The following SPIRE2 variants were observed in gnomAD, a reference collection of about 807,000 sequenced individuals.
SPIRE2 encodes the protein spire type actin nucleation factor 2.
Under a neutral mutation model 80.7 loss-of-function variants are expected in SPIRE2, and 76 were observed. The ratio of observed to expected loss-of-function variants is 0.94; its 90% CI spans 0.78 to 1.14. The LOEUF is 1.14. SPIRE2 is among the 50% of genes most tolerant of loss of function. The probability of loss-of-function intolerance (pLI) is 0.00; values close to 1 mark genes in which losing one functional copy is unlikely to be tolerated. For missense variants in SPIRE2, 1,196 were observed against 1,015.3 expected, an observed-to-expected ratio of 1.18 and a Z score of -2.42; for synonymous variants, 535 against 432.6, an observed-to-expected ratio of 1.24 and a Z score of -2.94.
chr16:89,863,593 A>G lies in SPIRE2; in HGVS notation c.1693A>G (p.Ser565Gly). Reference sequence around the variant, plus strand: ...TTTGCAGAACAAGGAGCTCTTCAGCAGTCTGAAGAAGGGGAAGGTGAGGCT... The same window carrying G: ...TTTGCAGAACAAGGAGCTCTTCAGCGGTCTGAAGAAGGGGAAGGTGAGGCT... ...KFLQNKELFS[S>G]LKKGKICCCC... is the part of the protein sequence containing the mutation. The change falls in exon 11 of 15, where the codon AGT (serine) becomes GGT (glycine). Residue 565 changes from serine to glycine, a missense_variant. Transcript: ENST00000378247. The surrounding 1 kb of genome is among the most constrained non-coding windows in gnomAD (Gnocchi z 4.3). The G allele has an allele frequency of 6.2e-7, 1 of 1,614,134 alleles. No homozygotes were observed. Among genetic ancestry groups the G allele is most frequent in the South Asian group, 1.1e-5 (1 of 91,088 alleles).
intron 2 of SPIRE2, among the ~76,000 whole-genome samples, chr16:89,849,322 C>A (rs1292555038): frequency 1.3e-5 from 2 of 152,226 alleles, no homozygotes; most frequent in African/African-American, 4.8e-5. Context: ...CCAGCTTGGG[C>A]AGTCGAGACT....
At chr16:89,845,577 C>G (rs780647365) in intron 2 of SPIRE2, 1 of 704,546 alleles carries the variant, frequency 1.4e-6, no homozygotes, top group East Asian at 2.7e-5. Flanking sequence ...GGAGGGTCCC[C>G]GTGGTGCTTC....
chr16:89,868,388 C>T (rs912449489), intron 13 of SPIRE2, among the ~76,000 whole-genome samples, 172 bp downstream of exon 13: 1 of 152,210 alleles, frequency 6.6e-6, no homozygotes, highest in African/African-American at 2.4e-5. Context: ...AAGACCCTTA[C>T]AGGTTTTTGT....
At chr16:89,845,393 C>T (rs2041549096) in intron 2 of SPIRE2, 28 bp downstream of exon 2, 7 of 1,588,406 alleles carry the variant, frequency 4.4e-6, no homozygotes, top group Non-Finnish European at 6.1e-6. Context: ...CCAAGTATTA[C>T]TTGATGTGTG....
At chr16:89,867,834 C>T (rs1342728596) in intron 12 of SPIRE2, among the ~76,000 whole-genome samples, 1 of 152,136 alleles carries the variant, frequency 6.6e-6, no homozygotes, top group Non-Finnish European at 1.5e-5. Context: ...ATCCACTTGC[C>T]TTGGCCTCCC....
chr16:89,869,031 T>TAAAGAAAAA (rs2041813014), intron 13 of SPIRE2, among the ~76,000 whole-genome samples: 1 of 23,976 alleles, frequency 4.2e-5, no homozygotes, highest in East Asian at 7.5e-3. Context: ...ATCTGTGTCT[T>TAAAGAAAAA]AAAAAAAAAA....
chr16:89,845,480 C>A, intron 2 of SPIRE2, 115 bp downstream of exon 2: 1 of 957,484 alleles, frequency 1.0e-6, no homozygotes, highest in Non-Finnish European at 1.7e-6. Flanking sequence ...AGGCAGGGTG[C>A]AGATGAAGTA....
At chr16:89,848,500 G>T (rs2041586256) in intron 2 of SPIRE2, among the ~76,000 whole-genome samples, 3 of 142,788 alleles carry the variant, frequency 2.1e-5, no homozygotes, top group African/African-American at 7.4e-5. Flanking sequence ...CTGCAGGACA[G>T]ACGAGGCAGG....
rs773614474 is a variant in SPIRE2 at position 89,850,576 on chromosome 16, G to C, written c.561G>C (p.Ala187=). 4.0e-6 allele frequency: 6 copies of C among 1,516,860 alleles called. No homozygotes were observed. The South Asian group carries it at 6.2e-5, about 16-fold the overall frequency. 94.0% of individuals were successfully genotyped at this position (1,516,860 alleles called of 1,614,324 possible). A position where few individuals can be genotyped will look rare whatever the true frequency, so the allele number is the denominator to read the frequency against. ...ARLTDPRGAQ[A]HYQAVCRALF... Reference sequence around the variant, plus strand: ...TGACCGACCCCCGGGGCGCACAGGCGCATTACCAGGCCGTGTGCCGCGCGC... The same window carrying C: ...TGACCGACCCCCGGGGCGCACAGGCCCATTACCAGGCCGTGTGCCGCGCGC... The change falls in exon 3 of 15, where the codon GCG becomes GCC. Residue 187 remains alanine, a synonymous_variant. Transcript: ENST00000378247.
chr16:89,859,428 C>T lies in SPIRE2; in HGVS notation c.1462+74C>T, dbSNP rs2041722692. On this transcript the variant is annotated intron_variant, in intron 9 of 14. Transcript: ENST00000378247. ...CCATCCTGTGGGCACCATCCCTCCA[C>T]CTCAGCCCACATCTTCCTGAGCAGG... The T allele has an allele frequency of 8.3e-6, 8 of 965,334 alleles. No individual in the cohort carries two copies. In the South Asian group the frequency reaches 1.7e-4, roughly 21 times the overall value. 59.8% of individuals were successfully genotyped at this position (965,334 alleles called of 1,614,324 possible). A position where few individuals can be genotyped will look rare whatever the true frequency, so the allele number is the denominator to read the frequency against.
intron 1 of SPIRE2, 26 bp from the exon 2 acceptor site, chr16:89,845,296 T>C: frequency 6.2e-7 from 1 of 1,612,794 alleles, no homozygotes; most frequent in Non-Finnish European, 8.5e-7. Flanking sequence ...TGCTGACAAA[T>C]AACTTAACTC....
chr16:89,869,661 T>G lies in SPIRE2; in HGVS notation c.1901T>G (p.Ile634Ser), dbSNP rs767638786. ...QRVSAAKTAP[I>S]QRRDIFQSLQ... ...GTATCAGCTGCCAAAACCGCGCCAA[T>G]CCAGAGAAGAGACATCTTTCAGTGC... Residue 634 changes from isoleucine (I) to serine (S), a missense_variant, in exon 14 of 15, where the codon ATC becomes AGC. Coordinates refer to ENST00000378247, the MANE Select transcript of SPIRE2 (RefSeq NM_032451.2). The G allele has an allele frequency of 6.2e-7, 1 of 1,613,916 alleles. No homozygotes were observed. The highest frequency in any genetic ancestry group is 1.7e-5 in the Admixed American group (1 of 60,006).
intron 2 of SPIRE2, among the ~76,000 whole-genome samples, chr16:89,848,235 A>T (rs1567672786): frequency 6.6e-6 from 1 of 152,168 alleles, no homozygotes; most frequent in African/African-American, 2.4e-5. Context: ...TGACCCCCCG[A>T]GCCCTGGCCA....
In SPIRE2 at chr16:89,858,345, C is replaced by T; in HGVS notation, c.1110C>T (p.Gly370=). 1 of 1,598,440 alleles carries T rather than the reference C, an allele frequency of 6.3e-7. No individual in the cohort carries two copies. Among genetic ancestry groups the T allele is most frequent in the Non-Finnish European group, 8.5e-7 (1 of 1,172,900 alleles). The change falls in exon 8 of 15, where the codon GGC becomes GGT. Residue 370 remains glycine, a synonymous_variant. Transcript: ENST00000378247. ...CGGCTCCCGTCTCCCCAGGGTTTGG[C>T]TCTCTGCCCTGCATCCTCAACGCCT... ...RGEGWAARGF[G]SLPCILNACS...
rs1464788772 is a variant in SPIRE2, at chr16:89,858,330, C to T, written c.1103-8C>T. On this transcript the variant is annotated splice_polypyrimidine_tract_variant and splice_region_variant and intron_variant, in intron 7 of 14. Transcript: ENST00000378247. The stretch of plus-strand genomic sequence containing the variant: ...TGGCCCGTCCTGCCTCGGCTCCCGT[C>T]TCCCCAGGGTTTGGCTCTCTGCCCT... The T allele has an allele frequency of 1.3e-6, 2 of 1,574,932 alleles. No homozygotes were observed. Among genetic ancestry groups the T allele is most frequent in the Non-Finnish European group, 1.7e-6 (2 of 1,159,902 alleles).
chr16:89,856,006 C>T lies in SPIRE2; in HGVS notation c.979-107C>T, dbSNP rs552577447. 1,056 of 1,515,148 alleles carry T rather than the reference C, an allele frequency of 7.0e-4. 1 individual carries two copies. The highest frequency in any genetic ancestry group is 8.8e-4 in the Non-Finnish European group (989 of 1,127,678). 93.9% of individuals were successfully genotyped at this position (1,515,148 alleles called of 1,614,324 possible). On this transcript the variant is annotated intron_variant, in intron 6 of 14. Coordinates refer to ENST00000378247, the MANE Select transcript of SPIRE2 (RefSeq NM_032451.2). ...GGCTCTTCCGACTCCAGAGTGGGCC[C>T]GTGTCATGGTCACTTCCCCACCACA... is the stretch of plus-strand genomic sequence containing the variant.
chr16:89,845,220 G>A, intron 1 of SPIRE2, 102 bp from the exon 2 acceptor site: 1 of 1,033,200 alleles, frequency 9.7e-7, no homozygotes, highest in Admixed American at 1.8e-5. Flanking sequence ...GGCGGAGAGT[G>A]GGGCTGTGGT....
At chr16:89,841,287 T>G (rs1263750675) in intron 1 of SPIRE2, among the ~76,000 whole-genome samples, 1 of 152,124 alleles carries the variant, frequency 6.6e-6, no homozygotes, top group Non-Finnish European at 1.5e-5. Flanking sequence ...TAGTGGTGGA[T>G]GGAAACGAGG....
intron 1 of SPIRE2, among the ~76,000 whole-genome samples, chr16:89,843,084 C>T (rs1487288941): frequency 6.6e-6 from 1 of 152,240 alleles, no homozygotes; most frequent in South Asian, 2.1e-4. Context: ...CTAGCACAGT[C>T]CCACCTGCAT....
Sources: gnomAD v4.1 joint callset for allele counts (sites outside exome capture counted in the v4.1 genomes callset) on GRCh38, gnomAD v4.1.1 for gene constraint, Gnocchi (gnomAD v3.1) non-coding constraint, MANE v1.5 for transcripts, NCBI Gene and HGNC (gene_info 2026-07-23, HGNC 2026-07-21) for gene names.